Variants in USP34 observed in about 807,000 individuals in gnomAD.
USP34 encodes ubiquitin carboxyl-terminal hydrolase 34.
In USP34, 70 loss-of-function variants were observed where a neutral mutation model predicts 460.3. The ratio of observed to expected loss-of-function variants is 0.15; its 90% CI spans 0.13 to 0.19. The LOEUF (loss-of-function observed/expected upper bound fraction) is 0.19. Among genes scored for constraint, USP34 ranks in the 10% least tolerant of loss-of-function variants. USP34 has a pLI of 1.00. For synonymous variants in USP34, 1,647 were observed against 1,405.3 expected (o/e 1.17, Z -3.85); for missense variants, 3,985 against 4,236.2 (o/e 0.94, Z 1.65).
chr2:61,294,074 G>A (rs919208861), intron 32 of USP34, among the ~76,000 whole-genome samples: 4 of 151,696 alleles, frequency 2.6e-5, no homozygotes, highest in Non-Finnish European at 4.4e-5. Context: ...GGCCAGGCGC[G>A]GTGGCTCACG....
chr2:61,394,853 A>G lies in USP34; in HGVS notation c.753T>C (p.Asn251=), dbSNP rs1245084999. 6.4e-7 allele frequency: 1 copy of G among 1,558,572 alleles called. No homozygotes were observed. Among genetic ancestry groups the G allele is most frequent in the South Asian group, 1.3e-5 (1 of 79,562 alleles). The change falls in exon 5 of 80, where the codon AAT becomes AAC. Residue 251 remains asparagine (N), a splice_region_variant and synonymous_variant. Transcript: ENST00000398571. ...AAGATCAATTCAAAACAATACTTAC[A>G]TTAGACACAACTGTAATAAACGCAT... The part of the protein sequence containing the change: ...IAHAFITVVS[N]IRIWLHIPAV...
chr2:61,293,056 G>C (rs1689910854), intron 33 of USP34, among the ~76,000 whole-genome samples: 1 of 151,874 alleles, frequency 6.6e-6, no homozygotes, highest in Non-Finnish European at 1.5e-5. Context: ...AGTCAACATG[G>C]TCTGGAAACA....
At chr2:61,467,617 G>GGT (rs770208019) in intron 1 of USP34, among the ~76,000 whole-genome samples, 2 of 106,022 alleles carry the variant, frequency 1.9e-5, no homozygotes, top group East Asian at 3.0e-4. Flanking sequence ...CTGTAACTTT[G>GGT]TTTTTTTTTT....
chr2:61,374,177 AACAG>A (rs1284600127), intron 8 of USP34, among the ~76,000 whole-genome samples: 4 of 151,322 alleles, frequency 2.6e-5, no homozygotes, highest in Non-Finnish European at 5.9e-5. Flanking sequence ...AAAAAAAAAA[AACAG>A]AGAAAATGAG....
At chr2:61,278,867 CGTTT>C (rs915416919) in intron 39 of USP34, among the ~76,000 whole-genome samples, 3 of 151,794 alleles carry the variant, frequency 2.0e-5, no homozygotes, top group African/African-American at 7.3e-5. Flanking sequence ...CACAATTCAC[CGTTT>C]GTTTTAAATA....
intron 70 of USP34, chr2:61,208,099 G>T (rs1241913749): frequency 6.6e-6 from 1 of 152,288 alleles, no homozygotes; most frequent in Non-Finnish European, 1.5e-5. Context: ...TCTGAGGATG[G>T]TGTGAAAGGA....
chr2:61,231,636 G>A (rs1687909175), intron 58 of USP34, among the ~76,000 whole-genome samples: 1 of 151,604 alleles, frequency 6.6e-6, no homozygotes, highest in South Asian at 2.1e-4. Flanking sequence ...AATTGCTTGA[G>A]CCCAGGAGGT....
chr2:61,320,194 C>T (rs965878795), intron 21 of USP34, among the ~76,000 whole-genome samples: 2 of 152,194 alleles, frequency 1.3e-5, no homozygotes, highest in African/African-American at 2.4e-5. Context: ...CATTCATTTG[C>T]TCATTTTCCA....
Position 61,407,726 on chromosome 2 carries a change from A to G in USP34, c.132-1598T>C, listed in dbSNP as rs1175873445. The stretch of plus-strand genomic sequence containing the variant: ...TCACTTCTGCCTTGCTCTTTTTTGG[A>G]TCACTTACTCTAGAGGAAGCCACCT... On this transcript the variant is annotated intron_variant, in intron 2 of 79. Coordinates refer to ENST00000398571, the MANE Select transcript of USP34 (RefSeq NM_014709.4). Among the ~76,000 whole-genome samples the G allele has an allele frequency of 4.6e-5, 7 of 152,190 alleles. No individual in the cohort carries two copies. The Middle Eastern group carries it at 0.01, about 222-fold the overall frequency.
chr2:61,395,141 A>C (rs962874441), intron 4 of USP34, 42 bp downstream of exon 4: 2 of 1,482,294 alleles, frequency 1.3e-6, no homozygotes, highest in Non-Finnish European at 1.8e-6. Flanking sequence ...TTGTTAAAAA[A>C]ATAAAATTTT....
intron 27 of USP34, among the ~76,000 whole-genome samples, chr2:61,303,184 G>T (rs1483104244): frequency 6.6e-6 from 1 of 151,052 alleles, no homozygotes; most frequent in East Asian, 2.0e-4. Context: ...CTCCAGTCTC[G>T]GCCTCCTGAA....
intron 2 of USP34, among the ~76,000 whole-genome samples, chr2:61,406,702 TA>T (rs35191538): frequency 0.53 from 75,959 of 144,148 alleles, 19,748 homozygotes; most frequent in South Asian, 0.69. Context: ...TATGTGTATT[TA>T]AAAAAAAAAA....
chr2:61,240,267 A>G (rs2103855427), intron 53 of USP34, among the ~76,000 whole-genome samples: 1 of 152,286 alleles, frequency 6.6e-6, no homozygotes, highest in East Asian at 1.9e-4. Context: ...CTACAAATGA[A>G]CACATTTGTA....
intron 75 of USP34, chr2:61,194,145 G>A: frequency 2.0e-6 from 2 of 985,416 alleles, no homozygotes; most frequent in Non-Finnish European, 2.4e-6. Flanking sequence ...GGCAAGTCAG[G>A]TCACTCACTC....
rs754933534 is a variant in USP34 at position 61,206,779 on chromosome 2, G to A, written c.9027C>T (p.Arg3009=). 2 of 1,613,672 alleles carry A rather than the reference G, an allele frequency of 1.2e-6. No individual in the cohort carries two copies. Among genetic ancestry groups the A allele is most frequent in the South Asian group, 2.2e-5 (2 of 91,062 alleles). The change falls in exon 71 of 80, where the codon CGC becomes CGT. Residue 3009 remains arginine (R), a synonymous_variant. Transcript: ENST00000398571. ...GCAAACCTTTTCTCTGAAGATAAGG[G>A]CGTGTAGACTTCAAAACCGAAAGAA... ...SIFLSVLKST[R]PYLQRKDVKQ... is the part of the protein sequence containing the mutation.
chr2:61,466,147 G>A (rs986004222), intron 1 of USP34, among the ~76,000 whole-genome samples: 20 of 151,732 alleles, frequency 1.3e-4, no homozygotes, highest in Non-Finnish European at 2.9e-5. Flanking sequence ...GATACAAGCC[G>A]GGCATGGTGG....
At chr2:61,271,939 T>A (rs918377646) in intron 41 of USP34, among the ~76,000 whole-genome samples, 3 of 152,236 alleles carry the variant, frequency 2.0e-5, no homozygotes, top group African/African-American at 7.2e-5. Context: ...TTCCTTAATA[T>A]TACAAGAAAA....
intron 2 of USP34, among the ~76,000 whole-genome samples, chr2:61,410,369 G>A (rs1694002521): frequency 6.6e-6 from 1 of 152,132 alleles, no homozygotes; most frequent in Non-Finnish European, 1.5e-5. Context: ...AGAATCTGAT[G>A]CTGCCACTGA....
chr2:61,221,895 C>T (rs1006289848), intron 65 of USP34: 1 of 237,678 alleles, frequency 4.2e-6, no homozygotes, highest in Admixed American at 5.4e-5. Context: ...TAAATACTTA[C>T]GATGTACAAC....
Sources: gnomAD v4.1 joint callset for allele counts (sites outside exome capture counted in the v4.1 genomes callset) on GRCh38, gnomAD v4.1.1 for gene constraint, MANE v1.5 for transcripts, NCBI Gene and HGNC (gene_info 2026-07-23, HGNC 2026-07-21) for gene names.